The following STRA6 variants were observed in gnomAD, a reference collection of about 807,000 sequenced individuals.
The protein encoded by STRA6 is signaling receptor and transporter of retinol STRA6.
STRA6 carries 48 observed loss-of-function variants against 83.6 expected under a neutral mutation model. The observed-to-expected ratio is 0.57, with a 90% CI of 0.46 to 0.73. The LOEUF is 0.73. STRA6 is among the 30% of genes least tolerant of loss of function. STRA6 has a pLI of 0.00. For synonymous variants in STRA6, 353 were observed against 362.3 expected, an observed-to-expected ratio of 0.97 and a Z score of 0.29; for missense variants, 760 against 838.8, an observed-to-expected ratio of 0.91 and a Z score of 1.16.
At chr15:74,205,694 G>A (rs1472140935), upstream of STRA6, among the ~76,000 whole-genome samples, 1 of 152,214 alleles carries the variant, frequency 6.6e-6, no homozygotes, top group Non-Finnish European at 1.5e-5. Flanking sequence ...CCCAGGGGCT[G>A]CAGCCAGGCT....
At chr15:74,205,541 C>T (rs1000994283), upstream of STRA6, among the ~76,000 whole-genome samples, 15 of 152,320 alleles carry the variant, frequency 9.8e-5, no homozygotes, top group East Asian at 1.9e-4. Context: ...AGGGATACCC[C>T]GCAATGACCC....
At chr15:74,206,412 T>C (rs931944602), upstream of STRA6, among the ~76,000 whole-genome samples, 2 of 152,162 alleles carry the variant, frequency 1.3e-5, no homozygotes, top group Non-Finnish European at 2.9e-5. Flanking sequence ...GGCTCTGAGC[T>C]GTTAAGAAAG....
At chr15:74,205,194 A>T (rs1038557769), upstream of STRA6, among the ~76,000 whole-genome samples, 3 of 152,186 alleles carry the variant, frequency 2.0e-5, no homozygotes, top group Non-Finnish European at 4.4e-5. Context: ...TGCTGATACC[A>T]GAGGGGAGAG....
chr15:74,208,097 G>A (rs1281320030), intron 1 of STRA6: 6 of 1,174,036 alleles, frequency 5.1e-6, no homozygotes, highest in Non-Finnish European at 4.3e-6. Flanking sequence ...GGTGGACACT[G>A]GTGAGGAGGA....
intron 1 of STRA6, chr15:74,207,946 G>C: frequency 6.9e-7 from 1 of 1,453,258 alleles, no homozygotes; most frequent in Non-Finnish European, 9.1e-7. Context: ...TCCACCTCCT[G>C]TCTCTCTACC....
In STRA6 at chr15:74,182,471, CG is replaced by C; in HGVS notation, c.1301-12del. On this transcript the variant is annotated splice_polypyrimidine_tract_variant and intron_variant, in intron 14 of 18. Coordinates refer to ENST00000395105, the MANE Select transcript of STRA6 (RefSeq NM_022369.4). The stretch of plus-strand genomic sequence containing the variant: ...GCTGCACCAGGAGCCCTGCCAGGGG[CG>C]GGAGTGGCAGGGGGACAGAAAACAG... 1 of 1,601,950 alleles carries C rather than the reference CG, an allele frequency of 6.2e-7. No individual in the cohort carries two copies. Among genetic ancestry groups the C allele is most frequent in the Non-Finnish European group, 8.5e-7 (1 of 1,174,108 alleles).
chr15:74,189,360 A>G (rs2073418616), intron 11 of STRA6, 83 bp from the exon 12 acceptor site: 1 of 1,534,440 alleles, frequency 6.5e-7, no homozygotes, highest in African/African-American at 1.4e-5. Context: ...AGAAACTGGC[A>G]GCACACAGGC....
Position 74,191,228 on chromosome 15 carries a change from C to T in STRA6, c.804G>A (p.Lys268=). ...CGCGGGCCCAGGACAGGAAGCCATG[C>T]TTGGAGGTGTGGTAGCTGCAGAAAG... ...KKLGSSYHTS[K]HGFLSWARVC... The change falls in exon 10 of 19, where the codon AAG becomes AAA. Residue 268 remains lysine, a synonymous_variant. Coordinates refer to ENST00000395105, the MANE Select transcript of STRA6 (RefSeq NM_022369.4). 2 of 1,613,872 alleles carry T rather than the reference C, an allele frequency of 1.2e-6. No homozygotes were observed. Among genetic ancestry groups the T allele is most frequent in the South Asian group, 1.1e-5 (1 of 91,060 alleles).
In STRA6 at chr15:74,197,430, G is replaced by T. The variant is rs1250249300; in HGVS notation, c.181-7C>A. 1 of 1,550,400 alleles carries T rather than the reference G, an allele frequency of 6.4e-7. No homozygotes were observed. Among genetic ancestry groups the T allele is most frequent in the South Asian group, 1.2e-5 (1 of 84,054 alleles). On this transcript the variant is annotated splice_polypyrimidine_tract_variant and splice_region_variant and intron_variant, in intron 3 of 18. Coordinates refer to ENST00000395105, the MANE Select transcript of STRA6 (RefSeq NM_022369.4). ...GGAGCAGCAGCACAAGGATCTGAAAGGAGAGTGCAGAGGAGGGCTTGGGGT... is the reference window on the plus strand; with the variant it reads ...GGAGCAGCAGCACAAGGATCTGAAATGAGAGTGCAGAGGAGGGCTTGGGGT...
intron 2 of STRA6, among the ~76,000 whole-genome samples, chr15:74,201,057 GGTCA>G (rs1215814769): frequency 1.3e-5 from 2 of 152,140 alleles, no homozygotes; most frequent in African/African-American, 2.4e-5. Flanking sequence ...ACAGGCTCTC[GGTCA>G]GTCAGGCAAG....
In STRA6 at chr15:74,182,456, G is replaced by A. The variant is rs1269545574; in HGVS notation, c.1305C>T (p.Leu435=). 4.4e-6 allele frequency: 7 copies of A among 1,608,474 alleles called. No individual in the cohort carries two copies. The South Asian group carries it at 4.4e-5, about 10-fold the overall frequency. ...AYQTAFICLG[L]LVQQIIFFLG... is the part of the protein sequence containing the mutation. ...GGAAGAAGATGATCTGCTGCACCAGGAGCCCTGCCAGGGGCGGGAGTGGCA... is the reference window on the plus strand; with the variant it reads ...GGAAGAAGATGATCTGCTGCACCAGAAGCCCTGCCAGGGGCGGGAGTGGCA... The change falls in exon 15 of 19, where the codon CTC becomes CTT. Residue 435 remains leucine, a synonymous_variant. Coordinates refer to ENST00000395105, the MANE Select transcript of STRA6 (RefSeq NM_022369.4).
intron 11 of STRA6, 63 bp downstream of exon 11, chr15:74,190,777 C>T: frequency 1.2e-6 from 2 of 1,612,648 alleles, no homozygotes; most frequent in East Asian, 2.2e-5. Context: ...CGGAACTGCT[C>T]CAGGCTTGGG....
chr15:74,189,001 G>C, intron 12 of STRA6, 114 bp downstream of exon 12: 1 of 1,290,468 alleles, frequency 7.7e-7, no homozygotes, highest in Admixed American at 2.0e-5. Context: ...CCAGAGAGAG[G>C]AAGGAATGTG....
chr15:74,208,570 ATGTCTCCTGCCTTTT>A (rs1476471222), intron 1 of STRA6, among the ~76,000 whole-genome samples: 1 of 152,036 alleles, frequency 6.6e-6, no homozygotes, highest in Non-Finnish European at 1.5e-5. Context: ...GACTCTGCGA[ATGTCTCCTGCCTTTT>A]GGAGCTCCTG....
At position 74,202,737 on chromosome 15, in the gene STRA6, G is replaced by A. The variant is rs2074137659; in HGVS notation, c.-40C>T. The A allele has an allele frequency of 2.4e-6, 3 of 1,238,344 alleles. No homozygotes were observed. Among genetic ancestry groups the A allele is most frequent in the Non-Finnish European group, 3.0e-6 (3 of 991,836 alleles). 76.7% of individuals were successfully genotyped at this position (1,238,344 alleles called of 1,614,324 possible). The stretch of plus-strand genomic sequence containing the variant: ...CCAGAAGGGAGGCCCAGGGAGGAAG[G>A]AGTTGCAGAGATGAAAGGGTAGGCA... On this transcript the variant is annotated 5_prime_UTR_variant, in exon 1 of 19. Coordinates refer to ENST00000395105, the MANE Select transcript of STRA6 (RefSeq NM_022369.4).
chr15:74,200,301 T>C (rs35036456), intron 2 of STRA6, among the ~76,000 whole-genome samples: 24,122 of 152,054 alleles, frequency 0.16, 2,493 homozygotes, highest in Non-Finnish European at 0.23. Context: ...GGGAAGTGCA[T>C]GAGGAAGCAG....
At chr15:74,191,785 C>T in intron 8 of STRA6, 1 of 510,600 alleles carries the variant, frequency 2.0e-6, no homozygotes. Context: ...TCAGTCACAT[C>T]TCTTCACCGT....
At chr15:74,203,119 T>A (rs981751083), upstream of STRA6, 5 of 985,448 alleles carry the variant, frequency 5.1e-6, no homozygotes, top group African/African-American at 1.7e-5. Flanking sequence ...CCGCTGGGGC[T>A]GGGCTGGGGC....
rs886051474 is a variant in STRA6, at chr15:74,181,413, C to A, written c.1566G>T (p.Val522=). 1.0e-4 allele frequency: 163 copies of A among 1,613,398 alleles called. No individual in the cohort carries two copies. Among genetic ancestry groups the A allele is most frequent in the Non-Finnish European group, 1.3e-4 (153 of 1,179,752 alleles). The change falls in exon 17 of 19, where the codon GTG becomes GTT. Residue 522 remains valine, a synonymous_variant. Transcript: ENST00000395105. ...AATFLLFPLN[V]LVGAMVATWR... ...AGGTGGCCACCATGGCACCCACCAG[C>A]ACATTGAGGGGGAAGAGAAGAAAGG...
Sources: allele counts gnomAD v4.1 joint callset (sites outside exome capture counted in the v4.1 genomes callset), GRCh38; gene constraint gnomAD v4.1.1; transcripts MANE v1.5; gene names NCBI Gene and HGNC (gene_info 2026-07-23, HGNC 2026-07-21).